FLT1: variants seen among roughly 807,000 people sequenced by gnomAD.
The protein encoded by FLT1 is vascular endothelial growth factor receptor 1.
In FLT1, 49 loss-of-function variants were observed where a neutral mutation model predicts 156.3. The observed-to-expected ratio is 0.31, with a 90% confidence interval of 0.25 to 0.40. The LOEUF is 0.40. Ranked by LOEUF, FLT1 falls within the 10% of genes least tolerant of loss-of-function variation. The pLI, the probability that FLT1 is intolerant of heterozygous loss-of-function variation, is 1.00. For synonymous variants in FLT1, 594 were observed against 583.8 expected (o/e 1.02, Z -0.25); for missense variants, 1,322 against 1,637.2 (o/e 0.81, Z 3.32).
chr13:28,388,579 G>A, intron 13 of FLT1: 1 of 1,053,318 alleles, frequency 9.5e-7, no homozygotes, highest in Non-Finnish European at 1.1e-6. Flanking sequence ...TAAAACAAGA[G>A]ATTACAACTT....
intron 15 of FLT1, among the ~76,000 whole-genome samples, chr13:28,346,535 C>T (rs775418936): frequency 4.9e-5 from 7 of 143,956 alleles, no homozygotes; most frequent in Non-Finnish European, 9.1e-5. Flanking sequence ...GCCTGGGCAA[C>T]ATAGCAAGAT....
chr13:28,380,424 T>C (rs1321319584), intron 14 of FLT1, among the ~76,000 whole-genome samples: 2 of 152,316 alleles, frequency 1.3e-5, no homozygotes, highest in African/African-American at 4.8e-5. Context: ...ACAGAAACTA[T>C]ATACATGGGG....
intron 3 of FLT1, among the ~76,000 whole-genome samples, chr13:28,447,869 A>G (rs983818755): frequency 6.6e-6 from 1 of 151,154 alleles, no homozygotes; most frequent in Non-Finnish European, 1.5e-5. Context: ...ATATTATAAT[A>G]TACAATTGTA....
chr13:28,445,796 A>T (rs1878584522), intron 3 of FLT1, among the ~76,000 whole-genome samples: 1 of 152,226 alleles, frequency 6.6e-6, no homozygotes, highest in Non-Finnish European at 1.5e-5. Context: ...AGAGAAGAGA[A>T]AACTTTCCAA....
intron 14 of FLT1, among the ~76,000 whole-genome samples, chr13:28,382,024 G>T (rs955802501): frequency 1.3e-5 from 2 of 152,170 alleles, no homozygotes; most frequent in Non-Finnish European, 2.9e-5. Context: ...CTGCCCTCTG[G>T]AGGGGAGACA....
At chr13:28,357,506 A>G in intron 15 of FLT1, 48 bp downstream of exon 15, 1 of 1,603,182 alleles carries the variant, frequency 6.2e-7, no homozygotes, top group Non-Finnish European at 8.5e-7. Context: ...CAAACAGGGA[A>G]ATAGATGTCT....
intron 25 of FLT1, among the ~76,000 whole-genome samples, chr13:28,313,261 G>T (rs1871076792): frequency 6.6e-6 from 1 of 152,154 alleles, no homozygotes; most frequent in African/African-American, 2.4e-5. Context: ...TTACAGGCGT[G>T]AGCCACTGCG....
At chr13:28,388,328 G>A in intron 13 of FLT1, 2 of 1,058,256 alleles carry the variant, frequency 1.9e-6, no homozygotes, top group Non-Finnish European at 2.3e-6. Flanking sequence ...CCGTGGGACA[G>A]AATCTGTTAC....
At chr13:28,346,429 G>C (rs186912060) in intron 15 of FLT1, 1 of 152,254 alleles carries the variant, frequency 6.6e-6, no homozygotes, top group East Asian at 1.9e-4. Context: ...ACTACAATGA[G>C]ACAGAAGTGG....
rs867977747 is a variant in FLT1 at position 28,372,463 on chromosome 13, C to T, written c.2116+12422G>A. Among the ~76,000 whole-genome samples, 35 of 150,398 alleles carry T rather than the reference C, an allele frequency of 2.3e-4. 1 individual carries two copies. In the Middle Eastern group the frequency reaches 0.021, roughly 89 times the overall value. On this transcript the variant is annotated intron_variant, in intron 14 of 29. Transcript: ENST00000282397. ...GAAAAAACATTGACAAGATACATAT[C>T]AAACAGTTAATATGTATTACCTCTC...
chr13:28,355,574 A>G (rs17086609), intron 15 of FLT1, among the ~76,000 whole-genome samples: 40,874 of 152,138 alleles, frequency 0.27, 6,783 homozygotes, highest in East Asian at 0.49. Context: ...TTCATCCCGG[A>G]GTACATTCCA....
At chr13:28,340,988 G>A (rs1872313323) in intron 16 of FLT1, among the ~76,000 whole-genome samples, 2 of 152,122 alleles carry the variant, frequency 1.3e-5, no homozygotes, top group Admixed American at 1.3e-4. Context: ...GTAGTAGTAG[G>A]TTTTATGACT....
At chr13:28,369,706 T>A (rs1198562176) in intron 14 of FLT1, among the ~76,000 whole-genome samples, 4 of 152,166 alleles carry the variant, frequency 2.6e-5, no homozygotes, top group Non-Finnish European at 5.9e-5. Context: ...ACGTATGGGA[T>A]AATTTGAGAC....
chr13:28,414,552 A>G (rs573602585), intron 10 of FLT1, among the ~76,000 whole-genome samples: 24 of 152,376 alleles, frequency 1.6e-4, no homozygotes, highest in African/African-American at 5.5e-4. Context: ...TGTGTAACAC[A>G]CTTAGCACAG....
At chr13:28,396,595 G>A (rs1040812287) in intron 12 of FLT1, among the ~76,000 whole-genome samples, 2 of 151,944 alleles carry the variant, frequency 1.3e-5, no homozygotes, top group African/African-American at 4.8e-5. Context: ...AACCAAAAAC[G>A]ATGTCATCAT....
intron 3 of FLT1, among the ~76,000 whole-genome samples, chr13:28,461,054 G>T (rs1467398874): frequency 6.6e-6 from 1 of 151,796 alleles, no homozygotes; most frequent in Non-Finnish European, 1.5e-5. Flanking sequence ...GCTCACTGCA[G>T]CCTCAAATCC....
At chr13:28,382,825 G>T (rs2137445417) in intron 14 of FLT1, among the ~76,000 whole-genome samples, 1 of 152,284 alleles carries the variant, frequency 6.6e-6, no homozygotes, top group Non-Finnish European at 1.5e-5. Context: ...ACTTTATGGA[G>T]AAAAATGAAG....
Position 28,350,447 on chromosome 13 carries a change from T to A in FLT1, c.2249-4896A>T, listed in dbSNP as rs1593700829. 2.0e-5 allele frequency among the ~76,000 whole-genome samples: 3 copies of A among 152,200 alleles called. No individual in the cohort carries two copies. The East Asian group carries it at 5.8e-4, about 29-fold the overall frequency. ...ATGGTCTGAGTTCTGAAGGGGTGTG[T>A]ATCTTGCCTGACGTCTCTGCAGCTG... On this transcript the variant is annotated intron_variant, in intron 15 of 29. Transcript: ENST00000282397.
chr13:28,358,665 T>C (rs544686506), intron 14 of FLT1, among the ~76,000 whole-genome samples: 1 of 152,318 alleles, frequency 6.6e-6, no homozygotes, highest in East Asian at 1.9e-4. Flanking sequence ...GGCTAAGACA[T>C]GGTATCTGTT....
Sources: allele counts gnomAD v4.1 joint callset (sites outside exome capture counted in the v4.1 genomes callset), GRCh38; gene constraint gnomAD v4.1.1; transcripts MANE v1.5; gene names NCBI Gene and HGNC (gene_info 2026-07-23, HGNC 2026-07-21).